SPATS2L: variants seen among roughly 807,000 people sequenced by gnomAD.
The protein encoded by SPATS2L is SPATS2-like protein.
Under a neutral mutation model 59.6 loss-of-function variants are expected in SPATS2L, and 30 were observed. The ratio of observed to expected loss-of-function variants is 0.50; its 90% confidence interval spans 0.38 to 0.68. The LOEUF (loss-of-function observed/expected upper bound fraction) is 0.68, where lower values mean the gene tolerates loss of function less well. Among genes scored for constraint, SPATS2L ranks in the 30% least tolerant of loss-of-function variants. SPATS2L has a pLI of 0.00. For synonymous variants in SPATS2L, 252 were observed against 263.5 expected (o/e 0.96, Z 0.42); for missense variants, 615 against 700.0 (o/e 0.88, Z 1.37).
intron 1 of SPATS2L, among the ~76,000 whole-genome samples, chr2:200,312,433 C>G (rs1333961961): frequency 1.3e-5 from 2 of 152,136 alleles, no homozygotes; most frequent in Admixed American, 1.3e-4. Context: ...AAGCTAGGAC[C>G]AATGGGAATG....
At chr2:200,371,386 G>C (rs577414256) in intron 2 of SPATS2L, among the ~76,000 whole-genome samples, 1 of 152,284 alleles carries the variant, frequency 6.6e-6, no homozygotes, top group Admixed American at 6.5e-5. Context: ...GTGTCTGAAG[G>C]CAGAGCTAGC....
chr2:200,350,962 G>A (rs2080707024), intron 2 of SPATS2L, among the ~76,000 whole-genome samples: 1 of 152,142 alleles, frequency 6.6e-6, no homozygotes, highest in Non-Finnish European at 1.5e-5. Context: ...GAGAATGGGT[G>A]AAGCAAGTGA....
intron 9 of SPATS2L, among the ~76,000 whole-genome samples, chr2:200,462,650 T>G (rs2086318177): frequency 6.6e-6 from 1 of 152,184 alleles, no homozygotes; most frequent in African/African-American, 2.4e-5. Context: ...TGGCAATGGC[T>G]CACACATATA....
rs1323784793 is a variant in SPATS2L, at chr2:200,329,525, C to T, written c.-23+45C>T. 2.0e-6 allele frequency: 3 copies of T among 1,506,938 alleles called. No homozygotes were observed. In the Admixed American group the frequency reaches 5.9e-5, roughly 30 times the overall value. 93.3% of individuals were successfully genotyped at this position (1,506,938 alleles called of 1,614,324 possible). On this transcript the variant is annotated intron_variant, in intron 2 of 12. Transcript: ENST00000409140. ...CCCTCTCTGTGACCTCCTCCTGCTG[C>T]CATGGCCAGCTGTCCCTACACCTGC...
chr2:200,472,359 C>A (rs1224139542), intron 11 of SPATS2L, among the ~76,000 whole-genome samples: 1 of 152,202 alleles, frequency 6.6e-6, no homozygotes, highest in Admixed American at 6.5e-5. Context: ...GTGGATCTGA[C>A]AGGCCAGAGT....
At chr2:200,433,387 A>G (rs550982679) in intron 6 of SPATS2L, among the ~76,000 whole-genome samples, 8 of 152,180 alleles carry the variant, frequency 5.3e-5, no homozygotes, top group Non-Finnish European at 5.9e-5. Context: ...TGGCATTTAC[A>G]TTAAAATAGG....
At chr2:200,361,763 A>C (rs1266805634) in intron 2 of SPATS2L, among the ~76,000 whole-genome samples, 1 of 152,242 alleles carries the variant, frequency 6.6e-6, no homozygotes, top group Non-Finnish European at 1.5e-5. Flanking sequence ...TGTGGGAACA[A>C]AATAAAAGGA....
At chr2:200,384,341 TTTA>T in intron 2 of SPATS2L, among the ~76,000 whole-genome samples, 1 of 11,828 alleles carries the variant, frequency 8.5e-5, no homozygotes, top group Non-Finnish European at 1.3e-4. Context: ...ATAAATTTTA[TTTA>T]TTTATTTATT....
At chr2:200,335,710 C>T (rs567537651) in intron 2 of SPATS2L, among the ~76,000 whole-genome samples, 30 of 152,266 alleles carry the variant, frequency 2.0e-4, no homozygotes, top group African/African-American at 7.2e-4. Context: ...AAAGTGGTCT[C>T]CAAAGTGGGA....
intron 2 of SPATS2L, among the ~76,000 whole-genome samples, chr2:200,382,570 C>T (rs1320277840): frequency 6.6e-6 from 1 of 152,074 alleles, no homozygotes; most frequent in Non-Finnish European, 1.5e-5. Flanking sequence ...GACAGTGAGC[C>T]CTGTGACTTG....
At chr2:200,458,492 C>G (rs992835210) in intron 8 of SPATS2L, among the ~76,000 whole-genome samples, 1 of 151,966 alleles carries the variant, frequency 6.6e-6, no homozygotes, top group African/African-American at 2.4e-5. Flanking sequence ...ATTTCTACAT[C>G]TAATAACAAA....
intron 1 of SPATS2L, among the ~76,000 whole-genome samples, chr2:200,316,571 T>C (rs2079386800): frequency 1.3e-5 from 2 of 152,240 alleles, no homozygotes; most frequent in Non-Finnish European, 1.5e-5. Context: ...GTTTGCCTTG[T>C]CCAGGTAGTT....
At chr2:200,311,768 GA>G (rs955236190) in intron 1 of SPATS2L, among the ~76,000 whole-genome samples, 16 of 152,074 alleles carry the variant, frequency 1.1e-4, no homozygotes, top group African/African-American at 3.9e-4. Context: ...AGCCTAGCAG[GA>G]AAAAATAACA....
chr2:200,454,742 G>A (rs1249417846), intron 8 of SPATS2L, among the ~76,000 whole-genome samples: 1 of 152,202 alleles, frequency 6.6e-6, no homozygotes, highest in African/African-American at 2.4e-5. Flanking sequence ...TCTGAAACAT[G>A]TGAGGTCCGC....
At chr2:200,313,161 C>T (rs999953907) in intron 1 of SPATS2L, among the ~76,000 whole-genome samples, 3 of 152,188 alleles carry the variant, frequency 2.0e-5, no homozygotes, top group African/African-American at 7.2e-5. Flanking sequence ...ACCTATCGGT[C>T]TGCACAGAAA....
At chr2:200,432,905 A>G (rs1352562341) in intron 6 of SPATS2L, among the ~76,000 whole-genome samples, 1 of 152,170 alleles carries the variant, frequency 6.6e-6, no homozygotes, top group African/African-American at 2.4e-5. Flanking sequence ...AAAAAAAGTA[A>G]AAGAATAAAA....
intron 11 of SPATS2L, among the ~76,000 whole-genome samples, 165 bp from the exon 12 acceptor site, chr2:200,472,667 T>A (rs116364218): frequency 0.014 from 2,075 of 152,318 alleles, 48 homozygotes; most frequent in African/African-American, 0.048. Flanking sequence ...GTTGTTCTCT[T>A]AAGCACCAAG....
rs1211840702 is a variant in SPATS2L at position 200,477,754 on chromosome 2, G to A, written c.1400G>A (p.Ser467Asn). 1.9e-6 allele frequency: 3 copies of A among 1,579,092 alleles called. No homozygotes were observed. Among genetic ancestry groups the A allele is most frequent in the Non-Finnish European group, 2.6e-6 (3 of 1,162,584 alleles). The change falls in exon 13 of 13, where the codon AGC becomes AAC. Residue 467 changes from serine (S) to asparagine (N), a missense_variant. Coordinates refer to ENST00000409140, the MANE Select transcript of SPATS2L (RefSeq NM_001100423.2). ...NEAEPLGKGN[S>N]RHEHRRQPHN... ...GCCGAGCCACTGGGAAAGGGCAACA[G>A]CCGCCACGAACACAGAAGACAGCCG...
upstream of SPATS2L, chr2:200,306,518 G>T: frequency 2.0e-6 from 2 of 1,002,542 alleles, no homozygotes. Context: ...GTGCGTGTGA[G>T]CGGATACAAA....
Sources: allele counts gnomAD v4.1 joint callset (sites outside exome capture counted in the v4.1 genomes callset), GRCh38; gene constraint gnomAD v4.1.1; transcripts MANE v1.5; gene names NCBI Gene and HGNC (gene_info 2026-07-23, HGNC 2026-07-21).